SEPTIN9: variants seen among roughly 807,000 people sequenced by gnomAD.
SEPTIN9 encodes septin 9, also known as septin-9.
In SEPTIN9, 13 loss-of-function variants were observed where a neutral mutation model predicts 56.6. The observed-to-expected ratio is 0.23, with a 90% CI of 0.15 to 0.37. SEPTIN9 has a LOEUF of 0.37. Ranked by LOEUF, SEPTIN9 falls within the 10% of genes least tolerant of loss-of-function variation. The pLI, the probability that SEPTIN9 is intolerant of heterozygous loss-of-function variation, is 1.00. For synonymous variants in SEPTIN9, 332 were observed against 334.1 expected (o/e 0.99, Z 0.07); for missense variants, 650 against 823.1 (o/e 0.79, Z 2.57).
At chr17:77,399,342 G>C (rs1243794860) in intron 2 of SEPTIN9, among the ~76,000 whole-genome samples, 1 of 152,176 alleles carries the variant, frequency 6.6e-6, no homozygotes, top group Non-Finnish European at 1.5e-5. Flanking sequence ...CTCCTGTCTA[G>C]TTTCTGTTCT....
intron 3 of SEPTIN9, chr17:77,444,847 G>A (rs1360583840): frequency 7.2e-6 from 2 of 277,292 alleles, no homozygotes; most frequent in Non-Finnish European, 1.5e-5. Context: ...GCTAGAAGCC[G>A]TGGTGTAGAC....
At chr17:77,457,415 C>A (rs950255820) in intron 3 of SEPTIN9, among the ~76,000 whole-genome samples, 2 of 152,210 alleles carry the variant, frequency 1.3e-5, no homozygotes, top group Non-Finnish European at 2.9e-5. Context: ...ATCACTCTCA[C>A]TGCTTGAGGG....
At position 77,500,573 on chromosome 17, in the gene SEPTIN9, T is replaced by A. The variant is rs1483547825; in HGVS notation, c.*1915T>A. The A allele has an allele frequency of 5.3e-6, 1 of 188,724 alleles. No individual in the cohort carries two copies. Among genetic ancestry groups the A allele is most frequent in the African/African-American group, 2.3e-5 (1 of 42,792 alleles). 11.7% of individuals were successfully genotyped at this position (188,724 alleles called of 1,614,324 possible). On this transcript the variant is annotated 3_prime_UTR_variant, in exon 12 of 12. Transcript: ENST00000427177. ...TTGAAAATGTATTTCCTGAAATAAA[T>A]GTTTCAAATGCAGAAACCCAGAAGG... is the stretch of plus-strand genomic sequence containing the variant.
Position 77,500,297 on chromosome 17 carries a change from C to G in SEPTIN9, c.*1639C>G, listed in dbSNP as rs539303139. ...CTTTGCCAACTTGCCATGTTTTTGC[C>G]AAAACCAAGATTTTGAAGGAAATGA... On this transcript the variant is annotated 3_prime_UTR_variant, in exon 12 of 12. Coordinates refer to ENST00000427177, the MANE Select transcript of SEPTIN9 (RefSeq NM_001113491.2). 2.3e-3 allele frequency: 402 copies of G among 175,002 alleles called. 1 individual carries two copies. Among genetic ancestry groups the G allele is most frequent in the Non-Finnish European group, 3.4e-3 (283 of 82,896 alleles). The allele number at this position is 175,002 out of a possible 1,614,324, so 10.8% of individuals were successfully genotyped here.
Position 77,394,972 on chromosome 17 carries a change from G to A in SEPTIN9, c.77-7087G>A, listed in dbSNP as rs115809146. On this transcript the variant is annotated intron_variant, in intron 2 of 11. Coordinates refer to ENST00000427177, the MANE Select transcript of SEPTIN9 (RefSeq NM_001113491.2). ...ATAGGAGAAGCCCTGTGCCCATCCT[G>A]GGCTGTGAGATGTTTTTCCAGAGGT... Among the ~76,000 whole-genome samples, 865 of 152,276 alleles carry A rather than the reference G, an allele frequency of 5.7e-3. 9 individuals carry two copies. Among genetic ancestry groups the A allele is most frequent in the African/African-American group, 0.02 (825 of 41,562 alleles).
In SEPTIN9 at chr17:77,332,300, C is replaced by CAA. The variant is rs11454652; in HGVS notation, c.76+25108_76+25109dup. On this transcript the variant is annotated intron_variant, in intron 2 of 11. Coordinates refer to ENST00000427177, the MANE Select transcript of SEPTIN9 (RefSeq NM_001113491.2). ...TCAAAAACAAAACAAAACAAAACCA[C>CAA]AAAAAAGAAACCATGAAAGATTCTA... 2.2e-3 allele frequency among the ~76,000 whole-genome samples: 334 copies of CAA among 150,614 alleles called. 2 individuals carry two copies. Among genetic ancestry groups the CAA allele is most frequent in the African/African-American group, 5.4e-3 (221 of 41,140 alleles).
chr17:77,439,694 T>C (rs946943462), intron 3 of SEPTIN9, among the ~76,000 whole-genome samples: 1 of 152,314 alleles, frequency 6.6e-6, no homozygotes, highest in South Asian at 2.1e-4. Context: ...TGGTGCTTCA[T>C]GGCACTTTAT....
chr17:77,442,751 T>C (rs1191086609), intron 3 of SEPTIN9, among the ~76,000 whole-genome samples: 1 of 151,990 alleles, frequency 6.6e-6, no homozygotes, highest in Non-Finnish European at 1.5e-5. Flanking sequence ...TGCACACCTG[T>C]AATCCCAGCT....
At chr17:77,496,588 T>A (rs1377173849) in intron 10 of SEPTIN9, among the ~76,000 whole-genome samples, 1 of 152,274 alleles carries the variant, frequency 6.6e-6, no homozygotes, top group East Asian at 1.9e-4. Flanking sequence ...CACTCTGAGA[T>A]GGCCACCAGC....
intron 3 of SEPTIN9, among the ~76,000 whole-genome samples, chr17:77,414,036 T>C (rs1340704968): frequency 6.6e-6 from 1 of 151,904 alleles, no homozygotes; most frequent in Non-Finnish European, 1.5e-5. Context: ...TAAACAGCTT[T>C]ATTGAGATCC....
At chr17:77,349,220 G>A (rs1056652455) in intron 2 of SEPTIN9, among the ~76,000 whole-genome samples, 4 of 152,020 alleles carry the variant, frequency 2.6e-5, no homozygotes, top group African/African-American at 4.8e-5. Flanking sequence ...GGGCTCAAAC[G>A]ATTCTCCTGC....
At chr17:77,295,215 G>T (rs2031755244) in intron 1 of SEPTIN9, among the ~76,000 whole-genome samples, 1 of 152,146 alleles carries the variant, frequency 6.6e-6, no homozygotes, top group Non-Finnish European at 1.5e-5. Context: ...GTGGACATGT[G>T]GTTAGGGCCC....
chr17:77,390,780 C>T (rs1402426727), intron 2 of SEPTIN9, among the ~76,000 whole-genome samples: 1 of 152,204 alleles, frequency 6.6e-6, no homozygotes, highest in Non-Finnish European at 1.5e-5. Context: ...CAGGTGGCTC[C>T]CTGACCCTGG....
chr17:77,326,685 G>A lies in SEPTIN9; in HGVS notation c.76+19488G>A, dbSNP rs1404712063. The stretch of plus-strand genomic sequence containing the variant: ...AAATCCTTGGAATCTCCAAAGTGAT[G>A]TCTTTTTGGATGCTCATGATTGACA... On this transcript the variant is annotated intron_variant, in intron 2 of 11. Transcript: ENST00000427177. The surrounding 1 kb of genome is among the most constrained non-coding windows in gnomAD (Gnocchi z 5.1). Among the ~76,000 whole-genome samples, 1 of 152,220 alleles carries A rather than the reference G, an allele frequency of 6.6e-6. No homozygotes were observed. Among genetic ancestry groups the A allele is most frequent in the African/African-American group, 2.4e-5 (1 of 41,462 alleles).
At chr17:77,469,409 G>T (rs2038882647) in intron 3 of SEPTIN9, 1 of 152,394 alleles carries the variant, frequency 6.6e-6, no homozygotes, top group South Asian at 2.1e-4. Flanking sequence ...GGTGACCCCT[G>T]TGTGTTTCAT....
chr17:77,373,509 C>T, intron 2 of SEPTIN9: 1 of 1,541,112 alleles, frequency 6.5e-7, no homozygotes, highest in Non-Finnish European at 8.8e-7. Flanking sequence ...TGTCGGACCC[C>T]GCGGTCAACG....
intron 2 of SEPTIN9, among the ~76,000 whole-genome samples, chr17:77,364,308 C>T (rs986784194): frequency 3.4e-4 from 52 of 152,298 alleles, no homozygotes; most frequent in African/African-American, 1.1e-3. Flanking sequence ...CTGCAGGGCA[C>T]GGGGTGCATG....
chr17:77,496,538 G>A (rs750015259), intron 10 of SEPTIN9, among the ~76,000 whole-genome samples: 6 of 152,146 alleles, frequency 3.9e-5, no homozygotes, highest in East Asian at 1.9e-4. Context: ...CAGGCACCGC[G>A]TGTTCATATA....
At chr17:77,432,649 G>A (rs1282266038) in intron 3 of SEPTIN9, among the ~76,000 whole-genome samples, 1 of 152,268 alleles carries the variant, frequency 6.6e-6, no homozygotes, top group Non-Finnish European at 1.5e-5. Flanking sequence ...ATGGAGTGGG[G>A]TTTTTGTGGG....
Sources: allele counts gnomAD v4.1 joint callset (sites outside exome capture counted in the v4.1 genomes callset), GRCh38; gene constraint gnomAD v4.1.1; non-coding constraint Gnocchi (gnomAD v3.1); transcripts MANE v1.5; gene names NCBI Gene and HGNC (gene_info 2026-07-23, HGNC 2026-07-21).